Variants in TMEM59 observed in about 807,000 individuals in gnomAD.
TMEM59 encodes transmembrane protein 59.
A neutral mutation model predicts 42.2 loss-of-function variants in TMEM59; 44 were observed. The observed-to-expected ratio is 1.04, with a 90% CI of 0.82 to 1.34. The LOEUF is 1.34. Among genes scored for constraint, TMEM59 ranks in the 40% most tolerant of loss-of-function variants. The pLI is 0.00. For synonymous variants in TMEM59, 148 were observed against 145.8 expected (o/e 1.02, Z -0.11); for missense variants, 359 against 382.8 (o/e 0.94, Z 0.52).
intron 1 of TMEM59, among the ~76,000 whole-genome samples, chr1:54,049,713 T>C (rs1007424886): frequency 8.5e-5 from 13 of 152,166 alleles, no homozygotes; most frequent in African/African-American, 3.1e-4. Flanking sequence ...GCACCGTGGC[T>C]CATGCATGTA....
rs191092739 is a variant in TMEM59 at position 54,050,273 on chromosome 1, G to C, written c.189+2727C>G. On this transcript the variant is annotated intron_variant, in intron 1 of 7. Transcript: ENST00000234831. ...CCTGAGTAGCTGGGATCACAAGCGT[G>C]CGCCATGTTCGGCTAATTTTTGTAT... Among the ~76,000 whole-genome samples the C allele has an allele frequency of 2.7e-5, 4 of 150,252 alleles. No individual in the cohort carries two copies. In the East Asian group the frequency reaches 8.1e-4, roughly 30 times the overall value.
chr1:54,050,421 C>G (rs977932675), intron 1 of TMEM59, among the ~76,000 whole-genome samples: 1 of 151,976 alleles, frequency 6.6e-6, no homozygotes, highest in Admixed American at 6.6e-5. Context: ...CCGCGCCCAG[C>G]CTAAAACGAG....
Position 54,028,148 on chromosome 1 carries a change from G to T in TMEM59, c.*4002C>A, listed in dbSNP as rs983282249. 6.6e-6 allele frequency: 1 copy of T among 152,186 alleles called. No individual in the cohort carries two copies. Among genetic ancestry groups the T allele is most frequent in the Non-Finnish European group, 1.5e-5 (1 of 68,042 alleles). 9.4% of individuals were successfully genotyped at this position (152,186 alleles called of 1,614,324 possible). ...AAGAGGATGGTGATAAGAAACCAGG[G>T]ATCCATGGGGCAGCCTTCCCAGTTT... is the stretch of plus-strand genomic sequence containing the variant. On this transcript the variant is annotated 3_prime_UTR_variant, in exon 8 of 8. Coordinates refer to ENST00000234831, the MANE Select transcript of TMEM59 (RefSeq NM_004872.5).
At chr1:54,052,971 G>A (rs762006637) in intron 1 of TMEM59, 29 bp downstream of exon 1, 252 of 1,588,064 alleles carry the variant, frequency 1.6e-4, no homozygotes, top group Non-Finnish European at 1.9e-5. Flanking sequence ...GCAAGGGAAG[G>A]GTCGCAGCCC....
chr1:54,052,990 C>A lies in TMEM59; in HGVS notation c.189+10G>T. ...GGGAAGGGTCGCAGCCCGCTCCGGA[C>A]GGGCCCTACCTTAGGGTAGGTGTGC... On this transcript the variant is annotated intron_variant, in intron 1 of 7. Coordinates refer to ENST00000234831, the MANE Select transcript of TMEM59 (RefSeq NM_004872.5). 1 of 1,603,602 alleles carries A rather than the reference C, an allele frequency of 6.2e-7. No individual in the cohort carries two copies. The highest frequency in any genetic ancestry group is 8.5e-7 in the Non-Finnish European group (1 of 1,172,502).
upstream of TMEM59, chr1:54,053,433 G>C (rs1396592268): frequency 7.5e-6 from 4 of 535,590 alleles, no homozygotes; most frequent in Admixed American, 3.4e-5. Context: ...GCGCGAAGCG[G>C]GGCCTCCTGA....
At position 54,031,754 on chromosome 1, in the gene TMEM59, T is replaced by G. The variant is rs572829212; in HGVS notation, c.*396A>C. ...AGGTCATTTCCTGCTAAATTTCAAA[T>G]TACAGATTTGTGGGCCATTCCTGAG... On this transcript the variant is annotated 3_prime_UTR_variant, in exon 8 of 8. Coordinates refer to ENST00000234831, the MANE Select transcript of TMEM59 (RefSeq NM_004872.5). The G allele has an allele frequency of 6.5e-6, 1 of 154,732 alleles. No individual in the cohort carries two copies. The highest frequency in any genetic ancestry group is 2.1e-4 in the South Asian group (1 of 4,844). 9.6% of individuals were successfully genotyped at this position (154,732 alleles called of 1,614,324 possible).
intron 6 of TMEM59, among the ~76,000 whole-genome samples, chr1:54,039,766 A>C (rs1380758169): frequency 6.6e-6 from 1 of 151,928 alleles, no homozygotes. Context: ...TCTGACACCG[A>C]GTAGGTGATA....
chr1:54,045,224 T>C lies in TMEM59; in HGVS notation c.390+468A>G, dbSNP rs77842765. ...CTACTGATTATATAAGACAGGAGAA[T>C]GGCATGATGAAATTTAGAAAAAAAA... On this transcript the variant is annotated intron_variant, in intron 3 of 7. Transcript: ENST00000234831. Among the ~76,000 whole-genome samples the C allele has an allele frequency of 5.7e-3, 860 of 152,186 alleles. 8 individuals are homozygous for C. The highest frequency in any genetic ancestry group is 0.02 in the African/African-American group (818 of 41,524).
chr1:54,032,117 G>A lies in TMEM59; in HGVS notation c.*33C>T, dbSNP rs757281621. 13 of 1,569,236 alleles carry A rather than the reference G, an allele frequency of 8.3e-6. No individual in the cohort carries two copies. In the South Asian group the frequency reaches 1.2e-4, roughly 14 times the overall value. On this transcript the variant is annotated 3_prime_UTR_variant, in exon 8 of 8. Coordinates refer to ENST00000234831, the MANE Select transcript of TMEM59 (RefSeq NM_004872.5). ...CTCTATGAGGAGTGGAATTTTAGAT[G>A]TCTATTACACTTGTCTTTTAAAAGA... is the stretch of plus-strand genomic sequence containing the variant.
chr1:54,045,643 G>T, intron 3 of TMEM59, 49 bp downstream of exon 3: 1 of 1,550,926 alleles, frequency 6.4e-7, no homozygotes, highest in Non-Finnish European at 8.9e-7. Flanking sequence ...AGCAATACAA[G>T]TCAGTGCCAT....
rs148713561 is a variant in TMEM59 at position 54,053,162 on chromosome 1, C to T, written c.27G>A (p.Trp9Ter). The T allele has an allele frequency of 3.8e-5, 61 of 1,614,088 alleles. No individual in the cohort carries two copies. The highest frequency in any genetic ancestry group is 5.2e-5 in the Non-Finnish European group (61 of 1,180,030). ...GCGGGAGCCCCAGTTGGGTCCTCAC[C>T]CAGAGGCTCCCCTTCGGCGCCGCCA... MAAPKGSL[W>*]VRTQLGLPPL... The change falls in exon 1 of 8, where the codon TGG (tryptophan) becomes TGA (stop). Residue 9 changes from tryptophan (W) to a stop codon, truncating the protein, a stop_gained. Transcript: ENST00000234831. LOFTEE classifies it high-confidence loss of function.
chr1:54,036,348 TAG>T lies in TMEM59; in HGVS notation c.816+260_816+261del, dbSNP rs56865994. Among the ~76,000 whole-genome samples the T allele has an allele frequency of 7.0e-3, 1,063 of 152,086 alleles. 11 individuals are homozygous for T. The highest frequency in any genetic ancestry group is 0.024 in the African/African-American group (989 of 41,474). On this transcript the variant is annotated intron_variant, in intron 7 of 7. Transcript: ENST00000234831. ...TGATGTCAACAGGTCTTTTCAGTCT[TAG>T]AGAGTCAGAAAGAGACACCGTTCTC...
rs1656609399 is a variant in TMEM59, at chr1:54,026,714, A to G, written c.*5436T>C. ...TAATGCAGATGATCCAAGTTTTATT[A>G]AAGTTTACATACTTAAGCATAAATA... On this transcript the variant is annotated 3_prime_UTR_variant, in exon 8 of 8. Coordinates refer to ENST00000234831, the MANE Select transcript of TMEM59 (RefSeq NM_004872.5). 1 of 152,238 alleles carries G rather than the reference A, an allele frequency of 6.6e-6. No individual in the cohort carries two copies. Among genetic ancestry groups the G allele is most frequent in the Admixed American group, 6.5e-5 (1 of 15,284 alleles). The allele number at this position is 152,238 out of a possible 1,614,324, so 9.4% of individuals were successfully genotyped here.
intron 4 of TMEM59, 90 bp downstream of exon 4, chr1:54,043,283 T>TGAGTATG (rs1179146062): frequency 8.9e-7 from 1 of 1,122,566 alleles, no homozygotes; most frequent in African/African-American, 1.6e-5. Flanking sequence ...TGTAAGTGAC[T>TGAGTATG]GAGTATGGTT....
chr1:54,041,481 G>C (rs966716009), intron 5 of TMEM59, among the ~76,000 whole-genome samples: 2 of 152,248 alleles, frequency 1.3e-5, no homozygotes, highest in African/African-American at 4.8e-5. Context: ...TCTGGAACTT[G>C]TGAGAAATAC....
intron 6 of TMEM59, among the ~76,000 whole-genome samples, chr1:54,040,368 G>T (rs568794914): frequency 1.3e-4 from 20 of 151,994 alleles, no homozygotes; most frequent in African/African-American, 4.8e-4. Context: ...GGCCAGGCTG[G>T]TCTCGAACTC....
chr1:54,047,669 A>G (rs905695893), intron 1 of TMEM59: 1 of 319,286 alleles, frequency 3.1e-6, no homozygotes, highest in Non-Finnish European at 5.8e-6. Context: ...AAATAAAACT[A>G]ATAGTGACAG....
At chr1:54,051,901 C>T (rs979326986) in intron 1 of TMEM59, among the ~76,000 whole-genome samples, 1 of 152,160 alleles carries the variant, frequency 6.6e-6, no homozygotes, top group African/African-American at 2.4e-5. Flanking sequence ...GTAACAAAAT[C>T]TGAGAAGTGC....
Sources: allele counts gnomAD v4.1 joint callset (sites outside exome capture counted in the v4.1 genomes callset), GRCh38; gene constraint gnomAD v4.1.1; transcripts MANE v1.5; gene names NCBI Gene and HGNC (gene_info 2026-07-23, HGNC 2026-07-21).